The following IARS1 variants were observed in gnomAD, a reference collection of about 807,000 sequenced individuals.
The protein encoded by IARS1 is isoleucine--tRNA ligase, cytoplasmic.
Under a neutral mutation model 168.2 loss-of-function variants are expected in IARS1, and 124 were observed. The ratio of observed to expected loss-of-function variants is 0.74; its 90% CI spans 0.64 to 0.86. IARS1 has a LOEUF of 0.86. IARS1 is among the 40% of genes least tolerant of loss of function. The pLI, the probability that IARS1 is intolerant of heterozygous loss-of-function variation, is 0.00. For synonymous variants in IARS1, 532 were observed against 529.4 expected, an observed-to-expected ratio of 1.00 and a Z score of -0.07; for missense variants, 1,452 against 1,515.8, an observed-to-expected ratio of 0.96 and a Z score of 0.70.
chr9:92,229,080 G>A lies in IARS1; in HGVS notation c.3330C>T (p.Asp1110=). 1 of 1,613,750 alleles carries A rather than the reference G, an allele frequency of 6.2e-7. No individual in the cohort carries two copies. Among genetic ancestry groups the A allele is most frequent in the Non-Finnish European group, 8.5e-7 (1 of 1,179,906 alleles). Residue 1110 remains aspartate (D), a synonymous_variant, in exon 31 of 34, where the codon GAC becomes GAT. Coordinates refer to ENST00000443024, the MANE Select transcript of IARS1 (RefSeq NM_002161.6). ...TGACAACACTCTTCAGCTTTAAAAGGTCCAACCTATTGTCACCTTTTGGAT... is the reference window on the plus strand; with the variant it reads ...TGACAACACTCTTCAGCTTTAAAAGATCCAACCTATTGTCACCTTTTGGAT... The part of the protein sequence containing the change: ...LENPKGDNRL[D]LLKLKSVVTS...
rs13291851 is a variant in IARS1 at position 92,284,455 on chromosome 9, C to T, written c.597+1267G>A. 8.0e-4 allele frequency among the ~76,000 whole-genome samples: 121 copies of T among 151,576 alleles called. 1 individual carries two copies. Among genetic ancestry groups the T allele is most frequent in the Non-Finnish European group, 1.0e-3 (70 of 68,018 alleles). On this transcript the variant is annotated intron_variant, in intron 6 of 33. Transcript: ENST00000443024. ...AATTATACCATTCTGTTTACTTTTG[C>T]ATGTCCCTGAAACTGTCCACATTCA...
At chr9:92,240,799 T>A in intron 30 of IARS1, 57 bp downstream of exon 30, 1 of 1,030,802 alleles carries the variant, frequency 9.7e-7, no homozygotes, top group South Asian at 1.3e-5. Flanking sequence ...GGTTGTTTTT[T>A]CACATCCATA....
chr9:92,268,381 G>C, intron 13 of IARS1, 81 bp from the exon 14 acceptor site: 1 of 1,413,676 alleles, frequency 7.1e-7, no homozygotes, highest in East Asian at 2.4e-5. Context: ...AGGAGCCTTT[G>C]TATAACGCTT....
chr9:92,249,812 G>C (rs983187027), intron 25 of IARS1, 46 bp downstream of exon 25: 1 of 953,078 alleles, frequency 1.0e-6, no homozygotes, highest in African/African-American at 1.6e-5. Context: ...TCAAAATAAT[G>C]TTCTAAGTCT....
intron 26 of IARS1, among the ~76,000 whole-genome samples, chr9:92,246,179 A>G (rs1829171492): frequency 6.6e-6 from 1 of 152,198 alleles, no homozygotes; most frequent in Non-Finnish European, 1.5e-5. Flanking sequence ...TTGATTAGTA[A>G]TTAGTAATAA....
At chr9:92,219,275 G>T (rs535659667) in intron 33 of IARS1, among the ~76,000 whole-genome samples, 6 of 152,118 alleles carry the variant, frequency 3.9e-5, no homozygotes, top group African/African-American at 1.4e-4. Context: ...AATCAAGATG[G>T]ATTAAAGACT....
chr9:92,250,272 TTG>T lies in IARS1; in HGVS notation c.2445_2446del (p.Asp815GlufsTer15). The T allele has an allele frequency of 6.2e-7, 1 of 1,606,774 alleles. No homozygotes were observed. The highest frequency in any genetic ancestry group is 8.5e-7 in the Non-Finnish European group (1 of 1,173,366). ...CTGAGATACTGCACTCTCTGTTTTC[TTG>T]TCAATCAATTCTTCTCTGAGTGGTA... On this transcript the variant is annotated frameshift_variant, in exon 24 of 34. Coordinates refer to ENST00000443024, the MANE Select transcript of IARS1 (RefSeq NM_002161.6). LOFTEE classifies it high-confidence loss of function.
chr9:92,247,248 GGACAGGACACGACGGGACAC>G lies in IARS1; in HGVS notation c.2791+109_2791+128del. On this transcript the variant is annotated intron_variant, in intron 26 of 33. Coordinates refer to ENST00000443024, the MANE Select transcript of IARS1 (RefSeq NM_002161.6). The stretch of plus-strand genomic sequence containing the variant: ...AAGAGAGTAAGGAAAGGAAAGGAAA[GGACAGGACACGACGGGACAC>G]GACAGGACAGGAAAGGAAAGGATGT... 3 of 723,838 alleles carry G rather than the reference GGACAGGACACGACGGGACAC, an allele frequency of 4.1e-6. 1 individual carries two copies. The South Asian group carries it at 6.1e-5, about 15-fold the overall frequency. The allele number at this position is 723,838 out of a possible 1,614,324, so 44.8% of individuals were successfully genotyped here. A position where few individuals can be genotyped will look rare whatever the true frequency, so the allele number is the denominator to read the frequency against.
chr9:92,247,963 G>A (rs1048373221), intron 25 of IARS1, among the ~76,000 whole-genome samples: 21 of 152,214 alleles, frequency 1.4e-4, no homozygotes, highest in Admixed American at 1.1e-3. Context: ...TTTCTGGGAC[G>A]AGGAAAATGT....
chr9:92,280,715 A>C, intron 7 of IARS1, 31 bp downstream of exon 7: 1 of 1,479,398 alleles, frequency 6.8e-7, no homozygotes. Context: ...TCTTATCCAT[A>C]TTAATCATAA....
intron 1 of IARS1, among the ~76,000 whole-genome samples, chr9:92,290,484 T>C (rs558390522): frequency 1.3e-5 from 2 of 152,328 alleles, no homozygotes; most frequent in East Asian, 3.9e-4. Flanking sequence ...TCTCCTGTTC[T>C]GTGGGCCGTC....
chr9:92,271,036 C>G lies in IARS1; in HGVS notation c.1154G>C (p.Gly385Ala). The change falls in exon 12 of 34, where the codon GGC becomes GCC. Residue 385 changes from glycine to alanine, a missense_variant. By Grantham distance (60) the Gly-to-Ala change is moderately conservative (BLOSUM62 0). Transcript: ENST00000443024. ...GAAGGTGGTGGCAACCAGAAGTCGG[C>G]CTTGTTCCTTCAAAGTCCTGATGAT... is the stretch of plus-strand genomic sequence containing the variant. ...KSIIRTLKEQ[G>A]RLLVATTFTH... 1 of 1,611,242 alleles carries G rather than the reference C, an allele frequency of 6.2e-7. No individual in the cohort carries two copies. Among genetic ancestry groups the G allele is most frequent in the Non-Finnish European group, 8.5e-7 (1 of 1,178,636 alleles).
intron 33 of IARS1, among the ~76,000 whole-genome samples, chr9:92,221,854 G>A (rs1587703448): frequency 1.3e-5 from 2 of 152,172 alleles, no homozygotes; most frequent in East Asian, 1.9e-4. Context: ...CTGTAAGGCT[G>A]TAATGTCAGG....
Position 92,242,156 on chromosome 9 carries a change from G to A in IARS1, c.3175C>T (p.Gln1059Ter). The A allele has an allele frequency of 1.9e-6, 3 of 1,612,802 alleles. No individual in the cohort carries two copies. The highest frequency in any genetic ancestry group is 2.2e-5 in the East Asian group (1 of 44,868). ...GTTCAGTGGAACTCAGGACTCACCTGTGTTTTTTCTTGAATAAGGACTTTA... is the reference window on the plus strand; with the variant it reads ...GTTCAGTGGAACTCAGGACTCACCTATGTTTTTTCTTGAATAAGGACTTTA... ...SDKVLIQEKTQLKGSELEITL... is the reference protein window; with the variant it reads ...SDKVLIQEKT The change falls in exon 29 of 34, where the codon CAG becomes TAG. Residue 1059 changes from glutamine (Q) to a stop codon, truncating the protein, a stop_gained and splice_region_variant. Coordinates refer to ENST00000443024, the MANE Select transcript of IARS1 (RefSeq NM_002161.6). LOFTEE classifies it high-confidence loss of function.
rs755439953 is a variant in IARS1 at position 92,288,108 on chromosome 9, C to T, written c.276+18G>A. The T allele has an allele frequency of 6.2e-7, 1 of 1,604,690 alleles. No homozygotes were observed. The highest frequency in any genetic ancestry group is 1.1e-5 in the South Asian group (1 of 88,952). ...TAAAAAAAATCAGAAAATTATAAAG[C>T]TGGATACTCAAACATACCACAGGTA... On this transcript the variant is annotated intron_variant, in intron 3 of 33. Coordinates refer to ENST00000443024, the MANE Select transcript of IARS1 (RefSeq NM_002161.6).
Position 92,210,627 on chromosome 9 carries a change from T to C in IARS1, c.*180A>G, listed in dbSNP as rs973373507. 2 of 557,032 alleles carry C rather than the reference T, an allele frequency of 3.6e-6. No homozygotes were observed. The highest frequency in any genetic ancestry group is 3.3e-6 in the Non-Finnish European group (1 of 304,614). 34.5% of individuals were successfully genotyped at this position (557,032 alleles called of 1,614,324 possible). A position where few individuals can be genotyped will look rare whatever the true frequency, so the allele number is the denominator to read the frequency against. On this transcript the variant is annotated 3_prime_UTR_variant, in exon 34 of 34. Transcript: ENST00000443024. The stretch of plus-strand genomic sequence containing the variant: ...GTCTAAGGTTAAGTGTGAAGATTAC[T>C]GTGAGGTCTCAAGTTACTTGACTAA...
At chr9:92,257,097 G>A (rs2273862) in intron 19 of IARS1, among the ~76,000 whole-genome samples, 61,567 of 152,036 alleles carry the variant, frequency 0.4, 14,725 homozygotes, top group African/African-American at 0.66. Flanking sequence ...TCAGAAAAGT[G>A]TAGGGTTTAG....
chr9:92,220,116 T>C (rs1839425157), intron 33 of IARS1, among the ~76,000 whole-genome samples: 1 of 148,762 alleles, frequency 6.7e-6, no homozygotes, highest in African/African-American at 2.5e-5. Context: ...ATGTCCTTTG[T>C]AGGGACATGG....
rs1832084674 is a variant in IARS1, at chr9:92,265,018, C to G, written c.1611G>C (p.Gln537His). ...WFESGSMPYA[Q>H]VHYPFENKRE... Reference sequence around the variant, plus strand: ...TCTTGTTTTCAAACGGGTAATGAACCTGAGCATAGGGCATGCTGCCACTCT... The same window carrying G: ...TCTTGTTTTCAAACGGGTAATGAACGTGAGCATAGGGCATGCTGCCACTCT... Residue 537 changes from glutamine (Q) to histidine (H), a missense_variant, in exon 16 of 34, where the codon CAG becomes CAC. Transcript: ENST00000443024. 2 of 1,614,154 alleles carry G rather than the reference C, an allele frequency of 1.2e-6. No individual in the cohort carries two copies. The highest frequency in any genetic ancestry group is 2.2e-5 in the South Asian group (2 of 91,086).
Sources: allele counts gnomAD v4.1 joint callset (sites outside exome capture counted in the v4.1 genomes callset), GRCh38; gene constraint gnomAD v4.1.1; transcripts MANE v1.5; gene names NCBI Gene and HGNC (gene_info 2026-07-23, HGNC 2026-07-21).